The following SECISBP2L variants were observed in gnomAD, a reference collection of about 807,000 sequenced individuals.
The protein encoded by SECISBP2L is selenocysteine insertion sequence-binding protein 2-like.
In SECISBP2L, 43 loss-of-function variants were observed where a neutral mutation model predicts 114.7. The ratio of observed to expected loss-of-function variants is 0.38; its 90% confidence interval spans 0.29 to 0.48. The LOEUF (loss-of-function observed/expected upper bound fraction) is 0.48. Among genes scored for constraint, SECISBP2L ranks in the 20% least tolerant of loss-of-function variants. SECISBP2L has a pLI of 0.98. For synonymous variants in SECISBP2L, 451 were observed against 439.7 expected (o/e 1.03, Z -0.32); for missense variants, 1,136 against 1,301.1 (o/e 0.87, Z 1.95).
intron 13 of SECISBP2L, among the ~76,000 whole-genome samples, chr15:49,010,026 G>A (rs1034598012): frequency 5.3e-5 from 8 of 151,756 alleles, no homozygotes; most frequent in Non-Finnish European, 7.4e-5. Flanking sequence ...CCAGCTACTC[G>A]GGAGGCTAAG....
intron 3 of SECISBP2L, among the ~76,000 whole-genome samples, chr15:49,034,894 C>G (rs1236493121): frequency 6.6e-6 from 1 of 152,030 alleles, no homozygotes; most frequent in East Asian, 1.9e-4. Flanking sequence ...AACTCTTGGG[C>G]TCAAGCGACT....
rs1277296992 is a variant in SECISBP2L at position 49,032,982 on chromosome 15, TC to T, written c.646del (p.Asp216MetfsTer74). On this transcript the variant is annotated frameshift_variant, in exon 4 of 18. Coordinates refer to ENST00000559471, the MANE Select transcript of SECISBP2L (RefSeq NM_001193489.2). LOFTEE classifies it high-confidence loss of function. Reference protein sequence around the residue: ...DSRSKIVLLVDASQQTDFPSD... With the variant: ...DSRSKIVLLVXASQQTDFPSD... ...TGCCTTACCAGTTTGCTGTGAAGCA[TC>T]TACCAGAAGCACAATTTTTGATCGA... is the stretch of plus-strand genomic sequence containing the variant. 1 of 1,613,808 alleles carries T rather than the reference TC, an allele frequency of 6.2e-7. No homozygotes were observed. The highest frequency in any genetic ancestry group is 8.5e-7 in the Non-Finnish European group (1 of 1,179,918).
chr15:49,046,162 G>T, intron 1 of SECISBP2L, 114 bp downstream of exon 1: 2 of 1,228,166 alleles, frequency 1.6e-6, no homozygotes, highest in Non-Finnish European at 2.3e-6. Context: ...AGGTGAGGGG[G>T]TCTGCGGCCG....
rs1011184535 is a variant in SECISBP2L at position 49,039,917 on chromosome 15, T to C, written c.25-2148A>G. On this transcript the variant is annotated intron_variant, in intron 1 of 17. Coordinates refer to ENST00000559471, the MANE Select transcript of SECISBP2L (RefSeq NM_001193489.2). ...AGCTAGTAGACATTCGGGGTTTTTT[T>C]CAGCAAGGTATATGGGTACATCAAA... 4.6e-5 allele frequency among the ~76,000 whole-genome samples: 7 copies of C among 152,304 alleles called. No homozygotes were observed. In the East Asian group the frequency reaches 1.2e-3, roughly 25 times the overall value.
intron 13 of SECISBP2L, among the ~76,000 whole-genome samples, chr15:49,010,219 T>C (rs1483871367): frequency 7.0e-6 from 1 of 143,752 alleles, no homozygotes; most frequent in Non-Finnish European, 1.5e-5. Flanking sequence ...CTTAGAAATC[T>C]TTTTTTTTTT....
chr15:49,008,526 C>A (rs977857778), intron 14 of SECISBP2L, among the ~76,000 whole-genome samples: 1 of 152,104 alleles, frequency 6.6e-6, no homozygotes. Flanking sequence ...AATTAACTTT[C>A]CAAAGCTAGG....
At chr15:49,006,116 C>T (rs561598392) in intron 14 of SECISBP2L, among the ~76,000 whole-genome samples, 14 of 152,176 alleles carry the variant, frequency 9.2e-5, no homozygotes, top group Non-Finnish European at 1.3e-4. Context: ...CAGAGAGACC[C>T]GCTGTTAGAC....
intron 1 of SECISBP2L, among the ~76,000 whole-genome samples, chr15:49,041,020 A>G (rs930482293): frequency 7.9e-5 from 12 of 152,086 alleles, no homozygotes; most frequent in Admixed American, 1.3e-4. Context: ...GTTATTCCTC[A>G]GTTTGAATTT....
chr15:49,044,541 T>C (rs771376783), intron 1 of SECISBP2L, among the ~76,000 whole-genome samples: 35 of 152,146 alleles, frequency 2.3e-4, no homozygotes, highest in Non-Finnish European at 4.3e-4. Context: ...TTTCTGAGTG[T>C]ATAGGGAAGT....
intron 11 of SECISBP2L, among the ~76,000 whole-genome samples, chr15:49,016,202 G>C (rs1902532538): frequency 6.6e-6 from 1 of 152,182 alleles, no homozygotes; most frequent in Non-Finnish European, 1.5e-5. Context: ...GCAGACAAGG[G>C]GTTGTGGGGA....
intron 7 of SECISBP2L, among the ~76,000 whole-genome samples, chr15:49,021,321 A>C (rs111252928): frequency 2.0e-3 from 305 of 152,286 alleles, no homozygotes; most frequent in South Asian, 7.7e-3. Flanking sequence ...AGCAGCCAAA[A>C]CAGACCAAAA....
At chr15:49,030,369 G>T (rs1426665259) in intron 4 of SECISBP2L, among the ~76,000 whole-genome samples, 1 of 152,164 alleles carries the variant, frequency 6.6e-6, no homozygotes, top group African/African-American at 2.4e-5. Flanking sequence ...TTTCTAGGGG[G>T]AGGCTCCATT....
intron 3 of SECISBP2L, among the ~76,000 whole-genome samples, chr15:49,034,020 T>C (rs1399985826): frequency 6.6e-6 from 1 of 151,316 alleles, no homozygotes; most frequent in Non-Finnish European, 1.5e-5. Context: ...GTAAATTATA[T>C]ACTACTATCT....
chr15:49,028,001 A>ACC, intron 6 of SECISBP2L, 143 bp downstream of exon 6: 2 of 758,454 alleles, frequency 2.6e-6, no homozygotes, highest in Non-Finnish European at 4.4e-6. Context: ...CTGATCAGCA[A>ACC]AACTGTACTT....
At chr15:49,031,268 C>T (rs929733588) in intron 4 of SECISBP2L, among the ~76,000 whole-genome samples, 1 of 151,864 alleles carries the variant, frequency 6.6e-6, no homozygotes, top group East Asian at 1.9e-4. Flanking sequence ...AGGGTAGTCT[C>T]GAACTCCAGA....
chr15:49,027,556 C>T (rs1902770038), intron 6 of SECISBP2L, 76 bp from the exon 7 acceptor site: 1 of 796,018 alleles, frequency 1.3e-6, no homozygotes, highest in East Asian at 2.8e-5. Context: ...ACTTCACATA[C>T]TGAAATTCAG....
chr15:49,037,342 G>A (rs1903031796), intron 2 of SECISBP2L: 1 of 200,072 alleles, frequency 5.0e-6, no homozygotes, highest in Non-Finnish European at 9.4e-6. Context: ...TTCTCCCTTT[G>A]AGCTGACTTA....
chr15:49,029,061 C>T (rs1415518690), intron 4 of SECISBP2L, among the ~76,000 whole-genome samples: 1 of 152,148 alleles, frequency 6.6e-6, no homozygotes, highest in Non-Finnish European at 1.5e-5. Flanking sequence ...GCCATGTTGC[C>T]CAGGCTGGTC....
intron 11 of SECISBP2L, among the ~76,000 whole-genome samples, chr15:49,014,332 G>A (rs1485326567): frequency 1.3e-5 from 2 of 151,944 alleles, no homozygotes; most frequent in Non-Finnish European, 2.9e-5. Context: ...ATTCCACAAG[G>A]CTTTGTCTGT....
Sources: gnomAD v4.1 joint callset for allele counts (sites outside exome capture counted in the v4.1 genomes callset) on GRCh38, gnomAD v4.1.1 for gene constraint, MANE v1.5 for transcripts, NCBI Gene and HGNC (gene_info 2026-07-23, HGNC 2026-07-21) for gene names.